Variants in DAD1 observed in about 807,000 individuals in gnomAD.
DAD1 encodes dolichyl-diphosphooligosaccharide--protein glycosyltransferase subunit DAD1.
DAD1 carries 4 observed loss-of-function variants against 9.0 expected under a neutral mutation model. The ratio of observed to expected loss-of-function variants is 0.44; its 90% CI spans 0.22 to 1.01. DAD1 has a LOEUF of 1.01. DAD1 is among the 50% of genes least tolerant of loss of function. The pLI is 0.24. For missense variants in DAD1, 119 were observed against 137.3 expected, an observed-to-expected ratio of 0.87 and a Z score of 0.67; for synonymous variants, 60 against 62.5, an observed-to-expected ratio of 0.96 and a Z score of 0.19.
Position 22,579,840 on chromosome 14 carries a change from CT to C in DAD1, c.212-4608del, listed in dbSNP as rs34081969. On this transcript the variant is annotated intron_variant, in intron 1 of 2. Coordinates refer to ENST00000250498, the MANE Select transcript of DAD1 (RefSeq NM_001344.4). ...CTTATTAAGTGAAAAAAAGCCAATCCTTTTTTTTTTTTTTTTTGAGACAGGG... is the reference window on the plus strand; with the variant it reads ...CTTATTAAGTGAAAAAAAGCCAATCCTTTTTTTTTTTTTTTTGAGACAGGG... Among the ~76,000 whole-genome samples the C allele has an allele frequency of 2.9e-3, 376 of 129,214 alleles. 1 individual carries two copies. Among genetic ancestry groups the C allele is most frequent in the African/African-American group, 6.0e-3 (202 of 33,596 alleles). 84.8% of individuals were successfully genotyped at this position (129,214 alleles called of 152,430 possible).
At chr14:22,586,058 T>C (rs902959187) in intron 1 of DAD1, among the ~76,000 whole-genome samples, 3 of 151,982 alleles carry the variant, frequency 2.0e-5, no homozygotes, top group Non-Finnish European at 4.4e-5. Flanking sequence ...TACAAAAACT[T>C]AGCTGGACGT....
At chr14:22,570,390 G>A (rs2037030468) in intron 2 of DAD1, among the ~76,000 whole-genome samples, 1 of 152,030 alleles carries the variant, frequency 6.6e-6, no homozygotes, top group Non-Finnish European at 1.5e-5. Flanking sequence ...GCCCACTTCT[G>A]GCCAGAATGT....
chr14:22,566,477 G>A (rs1228865410), intron 2 of DAD1, among the ~76,000 whole-genome samples: 1 of 152,122 alleles, frequency 6.6e-6, no homozygotes. Flanking sequence ...GGGATTACAG[G>A]CGTGTGCCAC....
intron 2 of DAD1, among the ~76,000 whole-genome samples, chr14:22,573,474 G>A (rs1001478546): frequency 1.3e-5 from 2 of 151,876 alleles, no homozygotes; most frequent in Admixed American, 1.3e-4. Flanking sequence ...TTCACTGTTG[G>A]GAGGCCAAGG....
chr14:22,577,001 T>C (rs947911208), intron 1 of DAD1, among the ~76,000 whole-genome samples: 10 of 152,204 alleles, frequency 6.6e-5, no homozygotes, highest in African/African-American at 2.4e-4. Context: ...GAAACCCTTG[T>C]GCACTAACAA....
At chr14:22,571,610 T>A (rs916782303) in intron 2 of DAD1, among the ~76,000 whole-genome samples, 15 of 150,072 alleles carry the variant, frequency 1.0e-4, no homozygotes, top group Admixed American at 6.7e-4. Flanking sequence ...GTTGTAAGAT[T>A]TCTAGCAAGG....
intron 2 of DAD1, 98 bp from the exon 3 acceptor site, chr14:22,565,235 G>A: frequency 1.5e-6 from 1 of 657,152 alleles, no homozygotes; most frequent in Non-Finnish European, 2.8e-6. Flanking sequence ...CAGTTATGGG[G>A]TTCCCACACT....
intron 2 of DAD1, 115 bp from the exon 3 acceptor site, chr14:22,565,252 A>C (rs1336494310): frequency 1.2e-5 from 7 of 605,378 alleles, no homozygotes; most frequent in Non-Finnish European, 1.8e-5. Context: ...CACTCAGGAC[A>C]ATATTTAAAC....
intron 1 of DAD1, among the ~76,000 whole-genome samples, chr14:22,581,215 T>A (rs149512819): frequency 5.6e-4 from 85 of 152,186 alleles, no homozygotes; most frequent in African/African-American, 1.9e-3. Context: ...AAACATATAA[T>A]CAATAAGTTA....
At chr14:22,569,432 CAAA>C (rs34250775) in intron 2 of DAD1, among the ~76,000 whole-genome samples, 6 of 126,662 alleles carry the variant, frequency 4.7e-5, no homozygotes, top group Admixed American at 1.6e-4. Context: ...GACTCCGTCT[CAAA>C]AAAAAAAAAA....
At chr14:22,568,363 T>C (rs1346294970) in intron 2 of DAD1, among the ~76,000 whole-genome samples, 4 of 152,260 alleles carry the variant, frequency 2.6e-5, no homozygotes, top group African/African-American at 4.8e-5. Flanking sequence ...TGTAAAAGGC[T>C]TCATACAAAT....
At chr14:22,583,248 A>T (rs1052172416) in intron 1 of DAD1, among the ~76,000 whole-genome samples, 23 of 151,354 alleles carry the variant, frequency 1.5e-4, no homozygotes, top group East Asian at 1.9e-4. Context: ...TTATCTATTT[A>T]AAAAAAAATA....
chr14:22,571,094 C>T (rs975346911), intron 2 of DAD1, among the ~76,000 whole-genome samples: 13 of 150,832 alleles, frequency 8.6e-5, no homozygotes, highest in African/African-American at 3.2e-4. Flanking sequence ...GAGGCCAAGG[C>T]GAGTGGATCA....
In DAD1 at chr14:22,589,050, C is replaced by A; in HGVS notation, c.108G>T (p.Leu36=). 1 of 1,614,234 alleles carries A rather than the reference C, an allele frequency of 6.2e-7. No individual in the cohort carries two copies. Among genetic ancestry groups the A allele is most frequent in the South Asian group, 1.1e-5 (1 of 91,068 alleles). Residue 36 remains leucine (L), a synonymous_variant, in exon 1 of 3, where the codon CTG becomes CTT. Coordinates refer to ENST00000250498, the MANE Select transcript of DAD1 (RefSeq NM_001344.4). ...AGTAACCGAACTGCAGCGCCCCGGT[C>A]AGCAGTATATACAGCAGGTACGCGT... The part of the protein sequence containing the change: ...LLDAYLLYIL[L]TGALQFGYCL...
intron 1 of DAD1, among the ~76,000 whole-genome samples, chr14:22,588,227 G>A (rs2037167270): frequency 6.6e-6 from 1 of 152,216 alleles, no homozygotes; most frequent in South Asian, 2.1e-4. Flanking sequence ...CAAAGTAGCA[G>A]GTGATACCAG....
chr14:22,578,640 T>C (rs1214993145), intron 1 of DAD1, among the ~76,000 whole-genome samples: 1 of 152,238 alleles, frequency 6.6e-6, no homozygotes, highest in Non-Finnish European at 1.5e-5. Flanking sequence ...AACCAATCTA[T>C]GGCAAGATAG....
At chr14:22,574,578 C>T (rs2037064193) in intron 2 of DAD1, among the ~76,000 whole-genome samples, 1 of 152,174 alleles carries the variant, frequency 6.6e-6, no homozygotes, top group African/African-American at 2.4e-5. Context: ...ACCCAATTTC[C>T]CCATTTATTT....
chr14:22,589,177 C>T lies in DAD1; in HGVS notation c.-20G>A, dbSNP rs759723186. Reference sequence around the variant, plus strand: ...CGACATAACTGCACGCAAGGTACTCCGGTCCGCGCCCCAAACTCTTGGAGG... The same window carrying T: ...CGACATAACTGCACGCAAGGTACTCTGGTCCGCGCCCCAAACTCTTGGAGG... On this transcript the variant is annotated 5_prime_UTR_variant, in exon 1 of 3. Coordinates refer to ENST00000250498, the MANE Select transcript of DAD1 (RefSeq NM_001344.4). 3.7e-6 allele frequency: 6 copies of T among 1,613,390 alleles called. No individual in the cohort carries two copies. Among genetic ancestry groups the T allele is most frequent in the African/African-American group, 1.3e-5 (1 of 74,934 alleles).
rs562297431 is a variant in DAD1, at chr14:22,573,567, G to A, written c.*44+1492C>T. On this transcript the variant is annotated intron_variant, in intron 2 of 2. Coordinates refer to ENST00000250498, the MANE Select transcript of DAD1 (RefSeq NM_001344.4). ...CTACTAAAAATACAAAAAATTAGCC[G>A]GGCGTGGTGGCGGGCGCCTGTAGTC... is the stretch of plus-strand genomic sequence containing the variant. 3.2e-4 allele frequency among the ~76,000 whole-genome samples: 49 copies of A among 151,862 alleles called. No homozygotes were observed. The South Asian group carries it at 7.9e-3, about 24-fold the overall frequency.
Sources: allele counts gnomAD v4.1 joint callset (sites outside exome capture counted in the v4.1 genomes callset), GRCh38; gene constraint gnomAD v4.1.1; transcripts MANE v1.5; gene names NCBI Gene and HGNC (gene_info 2026-07-23, HGNC 2026-07-21).